Variants in SLC35F4 observed in about 807,000 individuals in gnomAD.
SLC35F4 encodes solute carrier family 35 member F4, also known as chromosome 14 open reading frame 36.
Under a neutral mutation model 44.2 loss-of-function variants are expected in SLC35F4, and 24 were observed. That is an observed-to-expected ratio of 0.54 (90% CI 0.39 to 0.76). The LOEUF (loss-of-function observed/expected upper bound fraction) is 0.76. SLC35F4 is among the 30% of genes least tolerant of loss of function. The pLI is 0.00. For missense variants in SLC35F4, 562 were observed against 586.1 expected, an observed-to-expected ratio of 0.96 and a Z score of 0.42; for synonymous variants, 238 against 223.6, an observed-to-expected ratio of 1.06 and a Z score of -0.57.
Position 57,800,110 on chromosome 14 carries a change from C to T in SLC35F4, c.103+65613G>A, listed in dbSNP as rs1034824412. On this transcript the variant is annotated intron_variant, in intron 1 of 7. Coordinates refer to ENST00000556826, the MANE Select transcript of SLC35F4 (RefSeq NM_001306087.2). The stretch of plus-strand genomic sequence containing the variant: ...CCACCTCCTACAGGCACGTTTGGGC[C>T]GGCAACATGTCAGTACCTCACTGGG... 8.5e-5 allele frequency among the ~76,000 whole-genome samples: 13 copies of T among 152,142 alleles called. No homozygotes were observed. In the South Asian group the frequency reaches 1.2e-3, roughly 15 times the overall value.
intron 1 of SLC35F4, among the ~76,000 whole-genome samples, chr14:57,852,926 T>G (rs1035581183): frequency 3.3e-5 from 5 of 152,214 alleles, no homozygotes; most frequent in African/African-American, 1.2e-4. Context: ...TTCAGTACCA[T>G]GAAACCATTA....
At chr14:57,680,413 TATC>T (rs1393727167) in intron 1 of SLC35F4, among the ~76,000 whole-genome samples, 2 of 152,098 alleles carry the variant, frequency 1.3e-5, no homozygotes, top group Non-Finnish European at 2.9e-5. Flanking sequence ...CCACAACCAA[TATC>T]ATACTGAATC....
At chr14:57,706,563 C>G (rs950834395) in intron 1 of SLC35F4, among the ~76,000 whole-genome samples, 1 of 152,110 alleles carries the variant, frequency 6.6e-6, no homozygotes, top group Admixed American at 6.6e-5. Flanking sequence ...AATTCAGATG[C>G]TATTTGAGCA....
At chr14:57,936,780 A>G (rs144732006) in intron 1 of SLC35F4, among the ~76,000 whole-genome samples, 81 of 151,648 alleles carry the variant, frequency 5.3e-4, no homozygotes, top group Middle Eastern at 3.4e-3. Flanking sequence ...TGTAGGAGGG[A>G]TAAGTATTCG....
chr14:57,749,817 G>T (rs1407049533), intron 1 of SLC35F4, among the ~76,000 whole-genome samples: 1 of 152,106 alleles, frequency 6.6e-6, no homozygotes, highest in Non-Finnish European at 1.5e-5. Context: ...AAACCTAAGA[G>T]GGGAGGAATT....
At chr14:57,866,839 C>A (rs962279247), upstream of SLC35F4, among the ~76,000 whole-genome samples, 1 of 151,894 alleles carries the variant, frequency 6.6e-6, no homozygotes, top group African/African-American at 2.4e-5. Flanking sequence ...GTGTTCAGAG[C>A]GAACACCCTC....
intron 1 of SLC35F4, among the ~76,000 whole-genome samples, chr14:57,875,199 T>C (rs1337481808): frequency 6.6e-6 from 1 of 152,186 alleles, no homozygotes; most frequent in Non-Finnish European, 1.5e-5. Flanking sequence ...AGGAGACTTG[T>C]TTACTTGTTT....
At chr14:57,786,977 A>G (rs1368516197) in intron 1 of SLC35F4, among the ~76,000 whole-genome samples, 2 of 152,226 alleles carry the variant, frequency 1.3e-5, no homozygotes, top group South Asian at 2.1e-4. Context: ...GGGAGGCACC[A>G]GAGAAAGGTG....
At chr14:57,865,657 C>T in intron 1 of SLC35F4, 66 bp downstream of exon 1, 1 of 1,371,846 alleles carries the variant, frequency 7.3e-7, no homozygotes, top group African/African-American at 1.5e-5. Context: ...GTCCGCATCC[C>T]CGCGGCACCC....
intron 3 of SLC35F4, among the ~76,000 whole-genome samples, chr14:57,586,351 G>C (rs967653131): frequency 6.6e-6 from 1 of 152,046 alleles, no homozygotes; most frequent in Non-Finnish European, 1.5e-5. Flanking sequence ...AGACTTAAAC[G>C]TAAGACCTAA....
rs554400268 is a variant in SLC35F4 at position 57,887,121 on chromosome 14, C to A, written n.282+94792G>T. ...GCAGGAATAAAGCAGTGAAAGAAAT[C>A]ATCTTTTCCCTGAGGGACTAGCACT... On this transcript the variant is annotated intron_variant and non_coding_transcript_variant, in intron 1 of 1. Transcript: ENST00000556568. Among the ~76,000 whole-genome samples, 382 of 152,256 alleles carry A rather than the reference C, an allele frequency of 2.5e-3. 2 individuals carry two copies. The highest frequency in any genetic ancestry group is 6.8e-3 in the Middle Eastern group (2 of 294).
intron 1 of SLC35F4, among the ~76,000 whole-genome samples, chr14:57,914,303 C>T (rs1360964932): frequency 4.6e-5 from 7 of 152,180 alleles, no homozygotes; most frequent in African/African-American, 1.7e-4. Flanking sequence ...GTGGCTCACG[C>T]CTGTAATCCC....
chr14:57,906,407 C>A (rs1889104120), intron 1 of SLC35F4, among the ~76,000 whole-genome samples: 2 of 152,118 alleles, frequency 1.3e-5, no homozygotes, highest in South Asian at 4.1e-4. Flanking sequence ...CAGAAATGCC[C>A]CATTCTTTTT....
At chr14:57,800,319 C>G (rs113036364) in intron 1 of SLC35F4, among the ~76,000 whole-genome samples, 43 of 152,236 alleles carry the variant, frequency 2.8e-4, no homozygotes, top group Non-Finnish European at 8.8e-5. Context: ...AAAACAACAA[C>G]AACATCAACA....
intron 1 of SLC35F4, among the ~76,000 whole-genome samples, chr14:57,803,256 C>G (rs1386738129): frequency 1.3e-5 from 2 of 152,106 alleles, no homozygotes; most frequent in East Asian, 3.9e-4. Context: ...ATCAAGCACC[C>G]CTTCATGTTA....
chr14:57,578,888 G>GACTT (rs1487998494), intron 4 of SLC35F4: 1 of 152,302 alleles, frequency 6.6e-6, no homozygotes, highest in African/African-American at 2.4e-5. Flanking sequence ...CAAACGTGGT[G>GACTT]ACTTAAAACA....
At chr14:57,836,843 G>C (rs138542784) in intron 1 of SLC35F4, among the ~76,000 whole-genome samples, 1,619 of 152,170 alleles carry the variant, frequency 0.011, 18 homozygotes, top group Non-Finnish European at 0.015. Flanking sequence ...ATTTGTATCT[G>C]TAAAGGATAA....
At chr14:57,656,323 T>C (rs2073968343) in intron 1 of SLC35F4, among the ~76,000 whole-genome samples, 1 of 119,064 alleles carries the variant, frequency 8.4e-6, no homozygotes, top group African/African-American at 3.2e-5. Context: ...CACTCACACA[T>C]ATATGCTTGA....
At position 57,622,841 on chromosome 14, in the gene SLC35F4, A is replaced by T. The variant is rs563721315; in HGVS notation, c.104-28717T>A. 3.5e-4 allele frequency among the ~76,000 whole-genome samples: 53 copies of T among 151,944 alleles called. No homozygotes were observed. The South Asian group carries it at 5.8e-3, about 17-fold the overall frequency. On this transcript the variant is annotated intron_variant, in intron 1 of 7. Transcript: ENST00000556826. The stretch of plus-strand genomic sequence containing the variant: ...TAATAAAAAAATAAAAAATAAAAAT[A>T]AAAAAATTAAAAAAACCCCACCAAA...
Sources: allele counts gnomAD v4.1 joint callset (sites outside exome capture counted in the v4.1 genomes callset), GRCh38; gene constraint gnomAD v4.1.1; transcripts MANE v1.5; gene names NCBI Gene and HGNC (gene_info 2026-07-23, HGNC 2026-07-21).